LRRC4C: variants seen among roughly 807,000 people sequenced by gnomAD.
The protein encoded by LRRC4C is leucine-rich repeat-containing protein 4C.
In LRRC4C, 5 loss-of-function variants were observed where a neutral mutation model predicts 33.6. That is an observed-to-expected ratio of 0.15 (90% CI 0.08 to 0.31). The LOEUF (loss-of-function observed/expected upper bound fraction) is 0.31. Among genes scored for constraint, LRRC4C ranks in the 10% least tolerant of loss-of-function variants. LRRC4C has a pLI of 1.00. For missense variants in LRRC4C, 560 were observed against 796.7 expected (o/e 0.70, Z 3.58); for synonymous variants, 329 against 302.0 (o/e 1.09, Z -0.93).
intron 1 of LRRC4C, among the ~76,000 whole-genome samples, chr11:41,348,150 T>G (rs907283588): frequency 6.6e-6 from 1 of 152,208 alleles, no homozygotes; most frequent in South Asian, 2.1e-4. Context: ...ACCTAAGCTA[T>G]TGAGAGATTT....
intron 1 of LRRC4C, among the ~76,000 whole-genome samples, chr11:41,133,076 A>C (rs1943088886): frequency 6.6e-6 from 1 of 152,136 alleles, no homozygotes; most frequent in Admixed American, 6.6e-5. Flanking sequence ...CTTTTTAGAT[A>C]TCTGCTATTT....
chr11:41,181,434 T>C (rs572000039), intron 1 of LRRC4C, among the ~76,000 whole-genome samples: 1 of 151,772 alleles, frequency 6.6e-6, no homozygotes, highest in Non-Finnish European at 1.5e-5. Flanking sequence ...ACCACTGGTC[T>C]CATTAAATAC....
At chr11:40,647,956 A>G (rs1942565613) in intron 3 of LRRC4C, among the ~76,000 whole-genome samples, 186 bp downstream of exon 3, 1 of 152,192 alleles carries the variant, frequency 6.6e-6, no homozygotes, top group South Asian at 2.1e-4. Context: ...CTGAAGCCCA[A>G]ATGAACAAGA....
At chr11:41,366,215 TAGATAGATAGA>T (rs1565615753) in intron 1 of LRRC4C, among the ~76,000 whole-genome samples, 5 of 142,088 alleles carry the variant, frequency 3.5e-5, no homozygotes, top group Admixed American at 6.8e-5. Flanking sequence ...GATAGATAGA[TAGATAGATAGA>T]TAGATAGATA....
Position 40,584,114 on chromosome 11 carries a change from C to T in LRRC4C, c.-270+64028G>A, listed in dbSNP as rs1958596045. ...CTTCCTGTGGAGCAGGTTTTCTCAA[C>T]CTTGGTACAAGACTATTGCAATTTT... On this transcript the variant is annotated intron_variant, in intron 3 of 6. Coordinates refer to ENST00000528697, the MANE Select transcript of LRRC4C (RefSeq NM_001258419.2). Among the ~76,000 whole-genome samples the T allele has an allele frequency of 3.5e-5, 5 of 144,808 alleles. No individual in the cohort carries two copies. In the South Asian group the frequency reaches 8.8e-4, roughly 26 times the overall value. 95.0% of individuals were successfully genotyped at this position (144,808 alleles called of 152,430 possible).
intron 3 of LRRC4C, among the ~76,000 whole-genome samples, chr11:40,455,404 G>A (rs1041842291): frequency 1.3e-5 from 2 of 152,180 alleles, no homozygotes; most frequent in African/African-American, 4.8e-5. Context: ...CCAGAGGCAG[G>A]AAGCTAGGCA....
chr11:41,353,101 A>G (rs905834059), intron 1 of LRRC4C, among the ~76,000 whole-genome samples: 8 of 152,100 alleles, frequency 5.3e-5, no homozygotes, highest in Non-Finnish European at 8.8e-5. Context: ...TGGTACTTTG[A>G]AAGAATAAAT....
Position 41,312,529 on chromosome 11 carries a change from T to C in LRRC4C, c.-496+146902A>G, listed in dbSNP as rs1011459891. 2.0e-5 allele frequency among the ~76,000 whole-genome samples: 3 copies of C among 152,232 alleles called. No individual in the cohort carries two copies. In the East Asian group the frequency reaches 5.8e-4, roughly 29 times the overall value. On this transcript the variant is annotated intron_variant, in intron 1 of 6. Coordinates refer to ENST00000528697, the MANE Select transcript of LRRC4C (RefSeq NM_001258419.2). Reference sequence around the variant, plus strand: ...CTGTGTCTCTCTGTGAGAATTTCTGTATTAATTTCATATGAATTGATGAGA... The same window carrying C: ...CTGTGTCTCTCTGTGAGAATTTCTGCATTAATTTCATATGAATTGATGAGA...
intron 3 of LRRC4C, among the ~76,000 whole-genome samples, chr11:40,536,658 C>G (rs1447089258): frequency 6.6e-6 from 1 of 152,142 alleles, no homozygotes; most frequent in Non-Finnish European, 1.5e-5. Context: ...AACGTTAGAA[C>G]CTTTACATTT....
chr11:41,181,319 A>G (rs930861111), intron 1 of LRRC4C, among the ~76,000 whole-genome samples: 9 of 152,172 alleles, frequency 5.9e-5, no homozygotes, highest in African/African-American at 2.2e-4. Flanking sequence ...AGGAAGGAGA[A>G]TCTGATGCAT....
intron 5 of LRRC4C, among the ~76,000 whole-genome samples, chr11:40,196,301 T>C (rs1028077047): frequency 1.3e-5 from 2 of 152,164 alleles, no homozygotes; most frequent in Non-Finnish European, 2.9e-5. Flanking sequence ...GATATACTGA[T>C]TCTACAGCAT....
chr11:40,396,864 T>C (rs1949561631), intron 3 of LRRC4C, among the ~76,000 whole-genome samples: 1 of 152,016 alleles, frequency 6.6e-6, no homozygotes, highest in Admixed American at 6.6e-5. Flanking sequence ...AAAAAAGAAA[T>C]ATAAGATTCC....
chr11:40,753,795 C>G (rs1948811212), intron 2 of LRRC4C, among the ~76,000 whole-genome samples: 1 of 151,802 alleles, frequency 6.6e-6, no homozygotes, highest in Non-Finnish European at 1.5e-5. Context: ...AGACAATTCT[C>G]CAAAAACACA....
At chr11:40,804,223 C>T (rs1315985787) in intron 2 of LRRC4C, among the ~76,000 whole-genome samples, 1 of 152,046 alleles carries the variant, frequency 6.6e-6, no homozygotes, top group Non-Finnish European at 1.5e-5. Flanking sequence ...ATCCTTACAC[C>T]AATCTTCTCA....
chr11:40,952,876 ACACACACACACACACACACACTCTCT>A (rs1197266840), intron 1 of LRRC4C, among the ~76,000 whole-genome samples: 3 of 108,912 alleles, frequency 2.8e-5, no homozygotes, highest in African/African-American at 3.0e-5. Context: ...ACACACACAC[ACACACACACACACACACACACTCTCT>A]CTCTCTCTCT....
intron 3 of LRRC4C, among the ~76,000 whole-genome samples, chr11:40,541,658 G>T (rs757098003): frequency 6.6e-6 from 1 of 151,990 alleles, no homozygotes; most frequent in Non-Finnish European, 1.5e-5. Context: ...ATCCTCCTTG[G>T]TTACCTCCCC....
intron 4 of LRRC4C, among the ~76,000 whole-genome samples, chr11:40,252,891 C>G (rs1866898110): frequency 6.6e-6 from 1 of 152,148 alleles, no homozygotes; most frequent in African/African-American, 2.4e-5. Flanking sequence ...TACTTTCTTT[C>G]TGAAAAATAG....
intron 2 of LRRC4C, among the ~76,000 whole-genome samples, chr11:40,916,758 C>G (rs1956979931): frequency 6.6e-6 from 1 of 151,012 alleles, no homozygotes; most frequent in African/African-American, 2.4e-5. Flanking sequence ...TTAAAAATGT[C>G]TAGTAAGACA....
chr11:40,203,260 C>T (rs1162072230), intron 5 of LRRC4C, among the ~76,000 whole-genome samples: 1 of 152,072 alleles, frequency 6.6e-6, no homozygotes, highest in Non-Finnish European at 1.5e-5. Context: ...GCAGCAACTC[C>T]ATTAATATTA....
Sources: allele counts gnomAD v4.1 joint callset (sites outside exome capture counted in the v4.1 genomes callset), GRCh38; gene constraint gnomAD v4.1.1; transcripts MANE v1.5; gene names NCBI Gene and HGNC (gene_info 2026-07-23, HGNC 2026-07-21).